The following RGS22 variants were observed in gnomAD, a reference collection of about 807,000 sequenced individuals.
RGS22 encodes the protein regulator of G protein signaling 22.
In RGS22, 148 loss-of-function variants were observed where a neutral mutation model predicts 172.9. The ratio of observed to expected loss-of-function variants is 0.86; its 90% CI spans 0.75 to 0.98. The LOEUF (loss-of-function observed/expected upper bound fraction) is 0.98, where lower values mean the gene tolerates loss of function less well. RGS22 is among the 50% of genes least tolerant of loss of function. The pLI, the probability that RGS22 is intolerant of heterozygous loss-of-function variation, is 0.00. For missense variants in RGS22, 1,347 were observed against 1,440.8 expected, an observed-to-expected ratio of 0.93 and a Z score of 1.05; for synonymous variants, 458 against 480.2, an observed-to-expected ratio of 0.95 and a Z score of 0.60.
intron 14 of RGS22, among the ~76,000 whole-genome samples, chr8:100,036,053 C>T (rs1212966653): frequency 2.8e-4 from 43 of 151,640 alleles, no homozygotes; most frequent in Admixed American, 2.8e-3. Context: ...ATATGTAGAC[C>T]TATGTAACAA....
At chr8:100,094,157 T>C (rs1379747103) in intron 2 of RGS22, among the ~76,000 whole-genome samples, 1 of 152,178 alleles carries the variant, frequency 6.6e-6, no homozygotes, top group Non-Finnish European at 1.5e-5. Context: ...ATTGGCAAAA[T>C]TGAAAAGCCA....
At chr8:100,074,902 G>A (rs1468540128) in intron 4 of RGS22, among the ~76,000 whole-genome samples, 1 of 151,992 alleles carries the variant, frequency 6.6e-6, no homozygotes, top group Non-Finnish European at 1.5e-5. Context: ...CGAGTAGCTG[G>A]GACCACAGGC....
At chr8:100,016,148 T>C (rs1161737462) in intron 14 of RGS22, among the ~76,000 whole-genome samples, 2 of 152,198 alleles carry the variant, frequency 1.3e-5, no homozygotes, top group African/African-American at 4.8e-5. Flanking sequence ...GAAAAGCAGA[T>C]GTTAGGTGAT....
intron 18 of RGS22, among the ~76,000 whole-genome samples, chr8:100,001,122 T>C (rs565266200): frequency 1.2e-3 from 173 of 150,264 alleles, no homozygotes; most frequent in Non-Finnish European, 2.0e-3. Context: ...TAATTATTTA[T>C]ATTTCAAAAG....
rs774013023 is a variant in RGS22 at position 100,041,822 on chromosome 8, C to T, written c.1918G>A (p.Ala640Thr). The change falls in exon 12 of 28, where the codon GCT becomes ACT. Residue 640 changes from alanine to threonine, a missense_variant. Physicochemically the swap from Ala to Thr is moderately conservative, Grantham distance 58. Coordinates refer to ENST00000360863, the MANE Select transcript of RGS22 (RefSeq NM_015668.5). ...CLKPQLDRRYAYTEEPRVKTV... is the reference protein window; with the variant it reads ...CLKPQLDRRYTYTEEPRVKTV... ...CTCACCCTAGGTTCTTCTGTATAAG[C>T]GTATCTTCTATCCAGCTGGGGCTTG... 63 of 1,607,918 alleles carry T rather than the reference C, an allele frequency of 3.9e-5. No homozygotes were observed. Among genetic ancestry groups the T allele is most frequent in the Non-Finnish European group, 5.0e-5 (59 of 1,174,778 alleles).
At chr8:100,027,205 G>A (rs893206807) in intron 14 of RGS22, among the ~76,000 whole-genome samples, 2 of 152,116 alleles carry the variant, frequency 1.3e-5, no homozygotes, top group African/African-American at 4.8e-5. Flanking sequence ...CTGCTCTCCA[G>A]CTTGGGTGAC....
intron 9 of RGS22, among the ~76,000 whole-genome samples, chr8:100,055,422 A>T (rs1822141346): frequency 6.6e-6 from 1 of 152,214 alleles, no homozygotes; most frequent in Admixed American, 6.5e-5. Context: ...GAACAACAGC[A>T]TTACTAACCT....
chr8:100,084,028 G>A (rs912209837), intron 3 of RGS22, among the ~76,000 whole-genome samples: 2 of 151,322 alleles, frequency 1.3e-5, no homozygotes, highest in Non-Finnish European at 2.9e-5. Context: ...TAGTAGAGAC[G>A]GGGTTTCACC....
chr8:100,096,676 T>C (rs1197807477), intron 2 of RGS22, among the ~76,000 whole-genome samples: 2 of 150,876 alleles, frequency 1.3e-5, no homozygotes, highest in Non-Finnish European at 3.0e-5. Flanking sequence ...AAAAAATTTT[T>C]TTTTTTTTTT....
intron 21 of RGS22, among the ~76,000 whole-genome samples, chr8:99,983,043 T>C (rs1378950209): frequency 6.6e-6 from 1 of 152,160 alleles, no homozygotes; most frequent in Non-Finnish European, 1.5e-5. Flanking sequence ...CACTTATAAG[T>C]GAGAACGTGT....
At chr8:100,063,024 CAAGCAGGCTGCT>C (rs1344659788) in intron 8 of RGS22, among the ~76,000 whole-genome samples, 5 of 152,126 alleles carry the variant, frequency 3.3e-5, no homozygotes, top group African/African-American at 9.7e-5. Flanking sequence ...ATTTGTTAAC[CAAGCAGGCTGCT>C]AGGGAGAGTA....
Position 100,050,308 on chromosome 8 carries a change from T to C in RGS22, c.1689+2494A>G, listed in dbSNP as rs145420994. Among the ~76,000 whole-genome samples the C allele has an allele frequency of 1.1e-3, 162 of 152,276 alleles. 3 individuals carry two copies. In the East Asian group the frequency reaches 0.029, roughly 27 times the overall value. ...CAGGAAGCGTTGAGAACTTCAGTTG[T>C]AAGCCAAACCCCTGATTTTACAGAG... is the stretch of plus-strand genomic sequence containing the variant. On this transcript the variant is annotated intron_variant, in intron 10 of 27. Coordinates refer to ENST00000360863, the MANE Select transcript of RGS22 (RefSeq NM_015668.5).
Position 100,017,865 on chromosome 8 carries a change from A to G in RGS22, c.2167-9296T>C, listed in dbSNP as rs1398856928. Among the ~76,000 whole-genome samples the G allele has an allele frequency of 2.6e-5, 4 of 152,216 alleles. No individual in the cohort carries two copies. The East Asian group carries it at 5.8e-4, about 22-fold the overall frequency. ...TTCTTCCTTTCTAGCCACAGAGTAA[A>G]TAACAATGTAGCTCATGTTAGAGAA... On this transcript the variant is annotated intron_variant, in intron 14 of 27. Transcript: ENST00000360863.
intron 3 of RGS22, among the ~76,000 whole-genome samples, chr8:100,085,595 C>T (rs558579990): frequency 1.3e-5 from 2 of 152,316 alleles, no homozygotes; most frequent in Non-Finnish European, 1.5e-5. Flanking sequence ...GTCACTGATT[C>T]TTCAGTTAGG....
chr8:100,048,543 T>G (rs1820964552), intron 10 of RGS22, among the ~76,000 whole-genome samples: 1 of 152,184 alleles, frequency 6.6e-6, no homozygotes, highest in Non-Finnish European at 1.5e-5. Context: ...TTTAATGTTT[T>G]ATTATCCAGA....
At chr8:100,097,459 A>C (rs573737875) in intron 2 of RGS22, among the ~76,000 whole-genome samples, 89 of 152,350 alleles carry the variant, frequency 5.8e-4, no homozygotes, top group African/African-American at 2.1e-3. Context: ...GGATGATGAG[A>C]TAGGACAGCT....
At chr8:99,974,895 C>G (rs1811765479) in intron 23 of RGS22, among the ~76,000 whole-genome samples, 1 of 151,784 alleles carries the variant, frequency 6.6e-6, no homozygotes, top group African/African-American at 2.4e-5. Context: ...CACCTGTAAT[C>G]CCAGCACTTT....
intron 3 of RGS22, chr8:100,093,083 G>C (rs1458533584): frequency 6.3e-6 from 1 of 157,782 alleles, no homozygotes; most frequent in Non-Finnish European, 1.4e-5. Context: ...AGGATCGCTA[G>C]AGTTTGAGAA....
At chr8:99,964,841 C>G (rs550753253) in intron 24 of RGS22, among the ~76,000 whole-genome samples, 1 of 152,198 alleles carries the variant, frequency 6.6e-6, no homozygotes, top group East Asian at 1.9e-4. Flanking sequence ...GTTAAACATA[C>G]GACATTTCAG....
Sources: gnomAD v4.1 joint callset for allele counts (sites outside exome capture counted in the v4.1 genomes callset) on GRCh38, gnomAD v4.1.1 for gene constraint, MANE v1.5 for transcripts, NCBI Gene and HGNC (gene_info 2026-07-23, HGNC 2026-07-21) for gene names.